The following ATP1A1 variants were observed in gnomAD, a reference collection of about 807,000 sequenced individuals.
ATP1A1 encodes the protein ATPase Na+/K+ transporting subunit alpha 1.
A neutral mutation model predicts 114.8 loss-of-function variants in ATP1A1; 14 were observed. That is an observed-to-expected ratio of 0.12 (90% CI 0.08 to 0.19). ATP1A1 has a LOEUF of 0.19. Ranked by LOEUF, ATP1A1 falls within the 10% of genes least tolerant of loss-of-function variation. ATP1A1 has a pLI of 1.00. For missense variants in ATP1A1, 524 were observed against 1,290.7 expected, an observed-to-expected ratio of 0.41 and a Z score of 9.10; for synonymous variants, 471 against 466.3, an observed-to-expected ratio of 1.01 and a Z score of -0.13.
rs79640523 is a variant in ATP1A1, at chr1:116,390,536, G to GTTTTTTTTTTTTTTTTTTTTT, written c.1222+139_1222+140insTTTTTTTTTTTTTTTTTTTTT. On this transcript the variant is annotated intron_variant, in intron 9 of 22. Transcript: ENST00000295598. Reference sequence around the variant, plus strand: ...CATGGCAGCTTTTTCTTTCTTTTTTGTTTTTTTTTTTTTTATCATTTAGTG... The same window carrying GTTTTTTTTTTTTTTTTTTTTT: ...CATGGCAGCTTTTTCTTTCTTTTTTGTTTTTTTTTTTTTTTTTTTTTTTTTTTTTTTTTTTATCATTTAGTG... The GTTTTTTTTTTTTTTTTTTTTT allele has an allele frequency of 1.7e-5, 10 of 583,588 alleles. No homozygotes were observed. In the African/African-American group the frequency reaches 2.2e-4, roughly 13 times the overall value. The allele number at this position is 583,588 out of a possible 1,614,324, so 36.2% of individuals were successfully genotyped here.
chr1:116,373,547 A>AG, intron 1 of ATP1A1, 24 bp downstream of exon 1: 1 of 1,443,644 alleles, frequency 6.9e-7, no homozygotes, highest in Non-Finnish European at 9.1e-7. Flanking sequence ...GCGCCCGGGG[A>AG]GGGGGCTCGG....
At chr1:116,383,353 T>C in intron 1 of ATP1A1, 1 of 1,053,536 alleles carries the variant, frequency 9.5e-7, no homozygotes, top group African/African-American at 1.7e-5. Context: ...ATGTGAGCAC[T>C]AAAGATATTT....
At position 116,397,820 on chromosome 1, in the gene ATP1A1, CTT is replaced by C; in HGVS notation, c.1974-67_1974-66del. 1 of 1,545,586 alleles carries C rather than the reference CTT, an allele frequency of 6.5e-7. No homozygotes were observed. The highest frequency in any genetic ancestry group is 8.7e-7 in the Non-Finnish European group (1 of 1,144,024). ...AGTGATCTGCATAAGAATATCCCCT[CTT>C]GAGGTGATGGACACATGCTGGTGAT... On this transcript the variant is annotated intron_variant, in intron 14 of 22. Transcript: ENST00000295598. The surrounding 1 kb of genome is among the most constrained non-coding windows in gnomAD (Gnocchi z 4.2).
chr1:116,403,367 A>T (rs1653684887), intron 21 of ATP1A1, among the ~76,000 whole-genome samples: 1 of 152,208 alleles, frequency 6.6e-6, no homozygotes, highest in Non-Finnish European at 1.5e-5. Context: ...AGCTTTTTTC[A>T]GTCCCCAGGA....
chr1:116,377,721 C>G (rs904673481), intron 1 of ATP1A1, among the ~76,000 whole-genome samples: 2 of 152,174 alleles, frequency 1.3e-5, no homozygotes, highest in African/African-American at 4.8e-5. Flanking sequence ...GCCGAGGGCT[C>G]TCTGCCAGCC....
Position 116,390,057 on chromosome 1 carries a change from T to TA in ATP1A1, c.1024-156_1024-155insA, listed in dbSNP as rs1364513524. On this transcript the variant is annotated intron_variant, in intron 8 of 22. Transcript: ENST00000295598. ...GCTTTTCTGGAAGGAAGGGGAAGCCTCATGTATGGGTTCCCCTTATTATTT... is the reference window on the plus strand; with the variant it reads ...GCTTTTCTGGAAGGAAGGGGAAGCCTACATGTATGGGTTCCCCTTATTATTT... 2.5e-5 allele frequency: 20 copies of TA among 786,538 alleles called. No individual in the cohort carries two copies. In the African/African-American group the frequency reaches 3.1e-4, roughly 12 times the overall value. 48.7% of individuals were successfully genotyped at this position (786,538 alleles called of 1,614,324 possible). A position where few individuals can be genotyped will look rare whatever the true frequency, so the allele number is the denominator to read the frequency against.
rs766251701 is a variant in ATP1A1 at position 116,373,455 on chromosome 1, T to C, written c.-57T>C. On this transcript the variant is annotated 5_prime_UTR_variant, in exon 1 of 23. Coordinates refer to ENST00000295598, the MANE Select transcript of ATP1A1 (RefSeq NM_000701.8). ...CGCTCGGCCGGGAGCTGCTCTGTGC[T>C]TTTCTCTCTGATTCTCCAGCGACAG... is the stretch of plus-strand genomic sequence containing the variant. 1 of 1,464,430 alleles carries C rather than the reference T, an allele frequency of 6.8e-7. No individual in the cohort carries two copies. The highest frequency in any genetic ancestry group is 1.2e-5 in the South Asian group (1 of 80,140). The allele number at this position is 1,464,430 out of a possible 1,614,324, so 90.7% of individuals were successfully genotyped here. A position where few individuals can be genotyped will look rare whatever the true frequency, so the allele number is the denominator to read the frequency against.
rs796417213 is a variant in ATP1A1, at chr1:116,390,541, T to TG, written c.1222+130_1222+131insG. On this transcript the variant is annotated intron_variant, in intron 9 of 22. Coordinates refer to ENST00000295598, the MANE Select transcript of ATP1A1 (RefSeq NM_000701.8). ...CAGCTTTTTCTTTCTTTTTTGTTTT[T>TG]TTTTTTTTTATCATTTAGTGAAGAG... 727 of 1,049,390 alleles carry TG rather than the reference T, an allele frequency of 6.9e-4. 16 individuals carry two copies. In the African/African-American group the frequency reaches 0.011, roughly 15 times the overall value. 65.0% of individuals were successfully genotyped at this position (1,049,390 alleles called of 1,614,324 possible). A position where few individuals can be genotyped will look rare whatever the true frequency, so the allele number is the denominator to read the frequency against.
At chr1:116,391,008 T>C in intron 10 of ATP1A1, 117 bp downstream of exon 10, 1 of 846,664 alleles carries the variant, frequency 1.2e-6, no homozygotes, top group Non-Finnish European at 1.9e-6. Context: ...GTAGAACACC[T>C]GGAGTGGTCT....
rs1653812076 is a variant in ATP1A1, at chr1:116,404,510, T to C, written c.*66T>C. The stretch of plus-strand genomic sequence containing the variant: ...CTGCATCCGACACCCACCCCCTCTT[T>C]GTGTACTTCAGTCTTGGAGTTTGGA... On this transcript the variant is annotated 3_prime_UTR_variant, in exon 23 of 23. Coordinates refer to ENST00000295598, the MANE Select transcript of ATP1A1 (RefSeq NM_000701.8). The surrounding 1 kb of genome is among the most constrained non-coding windows in gnomAD (Gnocchi z 4.8). 1 of 1,560,366 alleles carries C rather than the reference T, an allele frequency of 6.4e-7. No individual in the cohort carries two copies. The highest frequency in any genetic ancestry group is 8.6e-7 in the Non-Finnish European group (1 of 1,159,716).
chr1:116,394,435 C>CT (rs769559127), intron 12 of ATP1A1, among the ~76,000 whole-genome samples: 36 of 152,236 alleles, frequency 2.4e-4, no homozygotes, highest in Non-Finnish European at 4.9e-4. Context: ...GCTATCTTCT[C>CT]TTTAAGTGTT....
chr1:116,401,975 G>C lies in ATP1A1; in HGVS notation c.2951+320G>C. The C allele has an allele frequency of 3.6e-6, 1 of 281,258 alleles. No homozygotes were observed. Among genetic ancestry groups the C allele is most frequent in the Non-Finnish European group, 6.6e-6 (1 of 151,796 alleles). 17.4% of individuals were successfully genotyped at this position (281,258 alleles called of 1,614,324 possible). A position where few individuals can be genotyped will look rare whatever the true frequency, so the allele number is the denominator to read the frequency against. On this transcript the variant is annotated intron_variant, in intron 21 of 22. Transcript: ENST00000295598. This position sits in a 1 kb window ranked among gnomAD's most constrained non-coding sequence, Gnocchi z 4.7. ...CAGCTGTAGTCCAGTTGTCTTTAGA[G>C]GCCAACTGGGGGTATGCTGGAGCGT...
Position 116,397,008 on chromosome 1 carries a change from T to C in ATP1A1, c.1973+274T>C, listed in dbSNP as rs894567773. 6.6e-6 allele frequency among the ~76,000 whole-genome samples: 1 copy of C among 152,246 alleles called. No homozygotes were observed. Among genetic ancestry groups the C allele is most frequent in the African/African-American group, 2.4e-5 (1 of 41,472 alleles). ...GGGAAGGTAAGGATTCAAGAGGCTT[T>C]TGAAGTACCTCAGAACTGGTGAAAT... On this transcript the variant is annotated intron_variant, in intron 14 of 22. Coordinates refer to ENST00000295598, the MANE Select transcript of ATP1A1 (RefSeq NM_000701.8). The surrounding 1 kb of genome is among the most constrained non-coding windows in gnomAD (Gnocchi z 4.2).
chr1:116,400,691 A>G (rs1175232999), intron 18 of ATP1A1, among the ~76,000 whole-genome samples, 170 bp from the exon 19 acceptor site: 2 of 152,116 alleles, frequency 1.3e-5, no homozygotes, highest in African/African-American at 4.8e-5. Context: ...CCTCCATCCC[A>G]TCCCTCATAG....
intron 1 of ATP1A1, chr1:116,373,763 TG>T: frequency 1.6e-6 from 1 of 615,420 alleles, no homozygotes; most frequent in South Asian, 7.9e-5. Context: ...CTTAGGGGGG[TG>T]GGCGGACCCT....
rs1167195585 is a variant in ATP1A1 at position 116,384,502 on chromosome 1, T to C, written c.124-281T>C. 6.6e-6 allele frequency among the ~76,000 whole-genome samples: 1 copy of C among 152,172 alleles called. No homozygotes were observed. The highest frequency in any genetic ancestry group is 1.5e-5 in the Non-Finnish European group (1 of 68,024). ...TCAGAGAAGGCAGATAAGGTTTTAC[T>C]AGATCCCTGAGAGCTGCTGGGTTTC... is the stretch of plus-strand genomic sequence containing the variant. On this transcript the variant is annotated intron_variant, in intron 2 of 22. Transcript: ENST00000295598. This position sits in a 1 kb window ranked among gnomAD's most constrained non-coding sequence, Gnocchi z 5.1.
chr1:116,386,495 T>A (rs1228092003), intron 3 of ATP1A1, among the ~76,000 whole-genome samples: 2 of 152,216 alleles, frequency 1.3e-5, no homozygotes, highest in Non-Finnish European at 2.9e-5. Flanking sequence ...CTCAAATGTT[T>A]GGTAACATGA....
In ATP1A1 at chr1:116,400,889, T is replaced by C. The variant is rs532093528; in HGVS notation, c.2601T>C (p.Phe867=). Residue 867 remains phenylalanine (F), a synonymous_variant, in exon 19 of 23, where the codon TTT becomes TTC. Coordinates refer to ENST00000295598, the MANE Select transcript of ATP1A1 (RefSeq NM_000701.8). ...IGMIQALGGF[F]TYFVILAENG... ...TGATCCAGGCCCTGGGAGGCTTCTTTACTTACTTTGTGATTCTGGCTGAGA... is the reference window on the plus strand; with the variant it reads ...TGATCCAGGCCCTGGGAGGCTTCTTCACTTACTTTGTGATTCTGGCTGAGA... 3.2e-5 allele frequency: 52 copies of C among 1,614,242 alleles called. 2 individuals carry two copies. In the South Asian group the frequency reaches 4.7e-4, roughly 15 times the overall value.
In ATP1A1 at chr1:116,397,775, C is replaced by G; in HGVS notation, c.1974-113C>G. ...AGCTTTTATGTGCTGGGGAAAATTC[C>G]TTCTTTGTTTTGTTTACAAAGTGAT... On this transcript the variant is annotated intron_variant, in intron 14 of 22. Coordinates refer to ENST00000295598, the MANE Select transcript of ATP1A1 (RefSeq NM_000701.8). This position sits in a 1 kb window ranked among gnomAD's most constrained non-coding sequence, Gnocchi z 4.2. The G allele has an allele frequency of 1.5e-6, 2 of 1,340,618 alleles. No homozygotes were observed. Among genetic ancestry groups the G allele is most frequent in the Non-Finnish European group, 2.0e-6 (2 of 986,662 alleles). The allele number at this position is 1,340,618 out of a possible 1,614,324, so 83.0% of individuals were successfully genotyped here.
Sources: allele counts gnomAD v4.1 joint callset (sites outside exome capture counted in the v4.1 genomes callset), GRCh38; gene constraint gnomAD v4.1.1; non-coding constraint Gnocchi (gnomAD v3.1); transcripts MANE v1.5; gene names NCBI Gene and HGNC (gene_info 2026-07-23, HGNC 2026-07-21).